MIB1: variants seen among roughly 807,000 people sequenced by gnomAD.
MIB1 encodes the protein E3 ubiquitin-protein ligase MIB1.
MIB1 carries 278 observed loss-of-function variants against 124.5 expected under a neutral mutation model. That is an observed-to-expected ratio of 2.23 (90% confidence interval 2.02 to 2.47). The LOEUF (loss-of-function observed/expected upper bound fraction) is 2.47. Ranked by LOEUF, MIB1 falls within the 30% of genes most tolerant of loss-of-function variation. The pLI is 0.00. For missense variants in MIB1, 957 were observed against 1,254.4 expected, an observed-to-expected ratio of 0.76 and a Z score of 3.58; for synonymous variants, 446 against 429.4, an observed-to-expected ratio of 1.04 and a Z score of -0.48.
Position 21,784,611 on chromosome 18 carries a change from T to C in MIB1, c.908+4926T>C, listed in dbSNP as rs141041184. On this transcript the variant is annotated intron_variant, in intron 6 of 20. Transcript: ENST00000261537. ...AGCATTACTCTTTATTCCAGTATTG[T>C]AATAATCTTTGTTCTACAATTGTAA... Among the ~76,000 whole-genome samples the C allele has an allele frequency of 3.3e-5, 5 of 152,354 alleles. No homozygotes were observed. The East Asian group carries it at 9.6e-4, about 29-fold the overall frequency.
At chr18:21,718,372 T>C (rs1383312355) in intron 1 of MIB1, among the ~76,000 whole-genome samples, 1 of 152,080 alleles carries the variant, frequency 6.6e-6, no homozygotes, top group Non-Finnish European at 1.5e-5. Context: ...CACCACCTGT[T>C]CCGCAATAAC....
intron 11 of MIB1, among the ~76,000 whole-genome samples, chr18:21,816,559 A>G (rs189853287): frequency 3.3e-5 from 5 of 152,326 alleles, no homozygotes; most frequent in Admixed American, 3.3e-4. Flanking sequence ...TCCCTGAAAT[A>G]CTATTTGAAT....
intron 6 of MIB1, among the ~76,000 whole-genome samples, chr18:21,785,534 A>T (rs2041425146): frequency 6.6e-6 from 1 of 152,190 alleles, no homozygotes; most frequent in Admixed American, 6.5e-5. Flanking sequence ...CCACATTGTG[A>T]CTTGTTGTCT....
intron 1 of MIB1, among the ~76,000 whole-genome samples, chr18:21,706,175 G>A (rs1293194794): frequency 6.6e-6 from 1 of 152,084 alleles, no homozygotes; most frequent in Non-Finnish European, 1.5e-5. Flanking sequence ...TCCACCTCCC[G>A]GGTTCACGTG....
intron 3 of MIB1, among the ~76,000 whole-genome samples, chr18:21,769,765 A>G (rs1321147377): frequency 6.6e-6 from 1 of 152,106 alleles, no homozygotes; most frequent in Non-Finnish European, 1.5e-5. Context: ...TTTTGAAGGC[A>G]TTTGCTGTTT....
At chr18:21,752,217 C>T (rs1031456083) in intron 1 of MIB1, among the ~76,000 whole-genome samples, 4 of 152,152 alleles carry the variant, frequency 2.6e-5, no homozygotes, top group Admixed American at 2.6e-4. Context: ...AAAGTCCCAG[C>T]TCTGCTCTTG....
intron 6 of MIB1, among the ~76,000 whole-genome samples, chr18:21,789,926 T>C (rs1023334055): frequency 3.3e-5 from 5 of 152,184 alleles, no homozygotes; most frequent in African/African-American, 1.2e-4. Context: ...ACCTTTACTC[T>C]TGGAGTTCAG....
At chr18:21,719,318 A>G (rs2040703590) in intron 1 of MIB1, among the ~76,000 whole-genome samples, 1 of 152,164 alleles carries the variant, frequency 6.6e-6, no homozygotes. Flanking sequence ...CCTGAGTGAT[A>G]GAGTGAGACC....
chr18:21,755,640 T>A (rs1394988858), intron 1 of MIB1, among the ~76,000 whole-genome samples: 1 of 152,200 alleles, frequency 6.6e-6, no homozygotes, highest in African/African-American at 2.4e-5. Flanking sequence ...TAAAATGGAC[T>A]TGTGGAACAC....
chr18:21,846,568 C>G (rs2042136142), intron 15 of MIB1, among the ~76,000 whole-genome samples: 1 of 152,064 alleles, frequency 6.6e-6, no homozygotes, highest in African/African-American at 2.4e-5. Flanking sequence ...GCTCCAGAGC[C>G]AAATTAATTA....
Position 21,798,245 on chromosome 18 carries a change from G to A in MIB1, c.1237+17G>A. The A allele has an allele frequency of 1.2e-6, 2 of 1,611,002 alleles. No homozygotes were observed. The highest frequency in any genetic ancestry group is 1.7e-6 in the Non-Finnish European group (2 of 1,178,032). ...CATCTGGTGGTATGTTTTATATTGT[G>A]TTTCTTTAAGAGTAATGTGGTTTAC... On this transcript the variant is annotated intron_variant, in intron 8 of 20. Coordinates refer to ENST00000261537, the MANE Select transcript of MIB1 (RefSeq NM_020774.4).
At position 21,765,831 on chromosome 18, in the gene MIB1, C is replaced by T. The variant is rs151095403; in HGVS notation, c.289C>T (p.Arg97Ter). 80 of 1,613,950 alleles carry T rather than the reference C, an allele frequency of 5.0e-5. No individual in the cohort carries two copies. The highest frequency in any genetic ancestry group is 1.1e-4 in the East Asian group (5 of 44,884). The stretch of plus-strand genomic sequence containing the variant: ...CCGCCAGCAACCAATCATTGGCATT[C>T]GATGGAAGTGTGCAGAGTGTACAAA... ...TCRQQPIIGI[R>*]WKCAECTNYD... Residue 97 changes from arginine (R) to a stop codon, truncating the protein, a stop_gained, in exon 2 of 21, where the codon CGA becomes TGA. Transcript: ENST00000261537. LOFTEE classifies it high-confidence loss of function.
intron 1 of MIB1, among the ~76,000 whole-genome samples, chr18:21,706,495 G>A (rs1456223775): frequency 6.6e-6 from 1 of 152,182 alleles, no homozygotes. Context: ...AGCTCCCTCT[G>A]CTTGCAGGGA....
chr18:21,760,297 A>G (rs911179738), intron 1 of MIB1, among the ~76,000 whole-genome samples: 1 of 152,224 alleles, frequency 6.6e-6, no homozygotes, highest in South Asian at 2.1e-4. Context: ...CTGTACAGTA[A>G]GAGATTAGTA....
intron 17 of MIB1, among the ~76,000 whole-genome samples, chr18:21,851,178 C>G (rs2042176689): frequency 6.6e-6 from 1 of 152,140 alleles, no homozygotes; most frequent in Admixed American, 6.6e-5. Context: ...AAGAAATGGA[C>G]TGACATCTGG....
chr18:21,838,962 C>G (rs1360352403), intron 13 of MIB1, among the ~76,000 whole-genome samples: 1 of 152,210 alleles, frequency 6.6e-6, no homozygotes, highest in Non-Finnish European at 1.5e-5. Context: ...GCAGTACAGA[C>G]TCACCTTGGT....
chr18:21,754,498 C>T (rs74666613), intron 1 of MIB1, among the ~76,000 whole-genome samples: 2,041 of 152,288 alleles, frequency 0.013, 52 homozygotes, highest in African/African-American at 0.047. Flanking sequence ...GATCAACTGT[C>T]ATGGTATTGT....
chr18:21,741,012 G>A lies in MIB1; in HGVS notation c.-572G>A, dbSNP rs568543436. Among the ~76,000 whole-genome samples, 11 of 151,456 alleles carry A rather than the reference G, an allele frequency of 7.3e-5. No homozygotes were observed. In the South Asian group the frequency reaches 1.0e-3, roughly 14 times the overall value. On this transcript the variant is annotated 5_prime_UTR_variant, in exon 1 of 21. Transcript: ENST00000261537. This position sits in a 1 kb window ranked among gnomAD's most constrained non-coding sequence, Gnocchi z 5.4. ...CGGGGCGGAGCGCGGCGGCTGGTGCGGGGGCAGAGAGAAGGGGGCCTGAGG... is the reference window on the plus strand; with the variant it reads ...CGGGGCGGAGCGCGGCGGCTGGTGCAGGGGCAGAGAGAAGGGGGCCTGAGG...
intron 8 of MIB1, among the ~76,000 whole-genome samples, chr18:21,798,620 G>A (rs2033470569): frequency 1.3e-5 from 2 of 152,058 alleles, no homozygotes; most frequent in South Asian, 4.1e-4. Flanking sequence ...CAACATTATT[G>A]CTAGCAGATG....
Sources: gnomAD v4.1 joint callset for allele counts (sites outside exome capture counted in the v4.1 genomes callset) on GRCh38, gnomAD v4.1.1 for gene constraint, Gnocchi (gnomAD v3.1) non-coding constraint, MANE v1.5 for transcripts, NCBI Gene and HGNC (gene_info 2026-07-23, HGNC 2026-07-21) for gene names.